PRLR: variants seen among roughly 807,000 people sequenced by gnomAD.
PRLR encodes the protein hPRL receptor.
A neutral mutation model predicts 40.2 loss-of-function variants in PRLR; 13 were observed. The ratio of observed to expected loss-of-function variants is 0.32; its 90% confidence interval spans 0.21 to 0.51. The LOEUF (loss-of-function observed/expected upper bound fraction) is 0.51. Among genes scored for constraint, PRLR ranks in the 20% least tolerant of loss-of-function variants. The probability of loss-of-function intolerance (pLI) is 0.97; values close to 1 mark genes in which losing one functional copy is unlikely to be tolerated. For synonymous variants in PRLR, 269 were observed against 278.7 expected (o/e 0.97, Z 0.35); for missense variants, 656 against 747.3 (o/e 0.88, Z 1.42).
chr5:35,141,244 A>AAAC (rs1774016711), intron 1 of PRLR, among the ~76,000 whole-genome samples: 1 of 152,056 alleles, frequency 6.6e-6, no homozygotes, highest in African/African-American at 2.4e-5. Flanking sequence ...CTGAAAAAAA[A>AAAC]AAACAAACCC....
At chr5:35,077,346 G>A (rs189137284) in intron 5 of PRLR, among the ~76,000 whole-genome samples, 1 of 152,240 alleles carries the variant, frequency 6.6e-6, no homozygotes, top group Admixed American at 6.5e-5. Context: ...AAGGAATGGA[G>A]GAAGATCTAC....
intron 1 of PRLR, among the ~76,000 whole-genome samples, chr5:35,201,860 C>A (rs778949048): frequency 2.6e-5 from 4 of 152,144 alleles, no homozygotes; most frequent in Non-Finnish European, 4.4e-5. Flanking sequence ...CACTCCTTGA[C>A]CCCAAAACCT....
intron 5 of PRLR, among the ~76,000 whole-genome samples, chr5:35,075,725 G>A (rs771171839): frequency 1.4e-4 from 21 of 152,316 alleles, no homozygotes; most frequent in Middle Eastern, 3.4e-3. Context: ...ATCTGAGAAC[G>A]GACAGACTGC....
intron 1 of PRLR, among the ~76,000 whole-genome samples, chr5:35,224,140 T>A (rs1587610): frequency 6.6e-6 from 1 of 151,886 alleles, no homozygotes; most frequent in Admixed American, 6.6e-5. Flanking sequence ...GGGCTCCCCA[T>A]CCCTAGAAGA....
chr5:35,087,089 G>T (rs1353826161), intron 3 of PRLR, among the ~76,000 whole-genome samples: 1 of 152,056 alleles, frequency 6.6e-6, no homozygotes, highest in South Asian at 2.1e-4. Flanking sequence ...CACCTCCTGG[G>T]TTCAAGCAAT....
chr5:35,183,438 C>T (rs1197115308), intron 1 of PRLR, among the ~76,000 whole-genome samples: 3 of 152,190 alleles, frequency 2.0e-5, no homozygotes, highest in African/African-American at 7.2e-5. Context: ...GGTATTAAGA[C>T]ATCACAGAAC....
chr5:35,099,631 A>G (rs548805967), intron 2 of PRLR, among the ~76,000 whole-genome samples: 1 of 152,340 alleles, frequency 6.6e-6, no homozygotes, highest in African/African-American at 2.4e-5. Flanking sequence ...AGCTCCGTGC[A>G]TGCTATCATC....
chr5:35,084,498 A>C lies in PRLR; in HGVS notation c.345T>G (p.Asp115Glu). ...TGTAAGTCACGTCCACATAAAGTTC[A>C]TCCGAGAAACTGCTTCCCATCTGGT... ...ATNQMGSSFS[D>E]ELYVDVTYIV... Residue 115 changes from aspartate to glutamate, a missense_variant, in exon 5 of 10, where the codon GAT (aspartate) becomes GAG (glutamate). Transcript: ENST00000618457. 1 of 1,575,934 alleles carries C rather than the reference A, an allele frequency of 6.3e-7. No individual in the cohort carries two copies. Among genetic ancestry groups the C allele is most frequent in the Non-Finnish European group, 8.6e-7 (1 of 1,167,882 alleles).
chr5:35,156,127 T>TAAA lies in PRLR; in HGVS notation c.-105-38008_-105-38006dup, dbSNP rs765998296. Among the ~76,000 whole-genome samples, 766 of 103,646 alleles carry TAAA rather than the reference T, an allele frequency of 7.4e-3. 39 individuals carry two copies. The highest frequency in any genetic ancestry group is 0.027 in the African/African-American group (738 of 26,916). The allele number at this position is 103,646 out of a possible 152,430, so 68.0% of individuals were successfully genotyped here. On this transcript the variant is annotated intron_variant, in intron 1 of 9. Coordinates refer to ENST00000618457, the MANE Select transcript of PRLR (RefSeq NM_000949.7). Reference sequence around the variant, plus strand: ...TCTCCATCTCTCCAGTTGCTCAAGATAAAAAAAAAAAACAAAAAAAAAAAC... The same window carrying TAAA: ...TCTCCATCTCTCCAGTTGCTCAAGATAAAAAAAAAAAAAAACAAAAAAAAAAAC...
At chr5:35,110,908 G>T (rs1772619544) in intron 2 of PRLR, among the ~76,000 whole-genome samples, 1 of 152,178 alleles carries the variant, frequency 6.6e-6, no homozygotes, top group African/African-American at 2.4e-5. Context: ...GTTCTCCAAA[G>T]CTGGATCATG....
intron 1 of PRLR, among the ~76,000 whole-genome samples, chr5:35,175,082 CAGAT>C (rs1775106815): frequency 6.6e-6 from 1 of 152,116 alleles, no homozygotes. Flanking sequence ...AATGGATGGA[CAGAT>C]GGATGGATAG....
intron 1 of PRLR, among the ~76,000 whole-genome samples, chr5:35,163,661 T>G (rs1478023649): frequency 6.6e-6 from 1 of 152,238 alleles, no homozygotes; most frequent in Non-Finnish European, 1.5e-5. Flanking sequence ...AAAGGAAGTA[T>G]ATGTATTGCT....
chr5:35,138,057 T>G (rs1006670984), intron 1 of PRLR, among the ~76,000 whole-genome samples: 5 of 152,226 alleles, frequency 3.3e-5, no homozygotes, highest in African/African-American at 1.2e-4. Context: ...GAAAAAATGT[T>G]TAAAAATTTA....
At chr5:35,147,932 T>G (rs983359529) in intron 1 of PRLR, among the ~76,000 whole-genome samples, 11 of 152,142 alleles carry the variant, frequency 7.2e-5, no homozygotes, top group Admixed American at 2.0e-4. Context: ...TAGAAGAAAT[T>G]AGAAGAATTA....
chr5:35,154,037 C>T lies in PRLR; in HGVS notation c.-105-35915G>A, dbSNP rs578170805. On this transcript the variant is annotated intron_variant, in intron 1 of 9. Coordinates refer to ENST00000618457, the MANE Select transcript of PRLR (RefSeq NM_000949.7). ...GGTTTTGATAATAATTTTCTCAGATCCCAGAGGATACGTCAACACCTTCAA... is the reference window on the plus strand; with the variant it reads ...GGTTTTGATAATAATTTTCTCAGATTCCAGAGGATACGTCAACACCTTCAA... Among the ~76,000 whole-genome samples, 3 of 152,256 alleles carry T rather than the reference C, an allele frequency of 2.0e-5. No individual in the cohort carries two copies. The East Asian group carries it at 5.8e-4, about 29-fold the overall frequency.
intron 1 of PRLR, among the ~76,000 whole-genome samples, chr5:35,191,914 C>T (rs1178722192): frequency 6.6e-6 from 1 of 152,198 alleles, no homozygotes; most frequent in East Asian, 1.9e-4. Context: ...TGGGCTTCTT[C>T]TGCCAGGAAC....
chr5:35,216,204 G>A (rs1164204671), intron 1 of PRLR, among the ~76,000 whole-genome samples: 1 of 152,066 alleles, frequency 6.6e-6, no homozygotes, highest in African/African-American at 2.4e-5. Flanking sequence ...GTTCCCACAG[G>A]CTCTCAAAAT....
At chr5:35,197,833 G>A (rs1194965586) in intron 1 of PRLR, among the ~76,000 whole-genome samples, 1 of 152,224 alleles carries the variant, frequency 6.6e-6, no homozygotes, top group Non-Finnish European at 1.5e-5. Context: ...CCCCACTTGG[G>A]TTTGCCACCC....
intron 1 of PRLR, among the ~76,000 whole-genome samples, chr5:35,189,804 A>T (rs1416389348): frequency 6.6e-6 from 1 of 152,134 alleles, no homozygotes; most frequent in Non-Finnish European, 1.5e-5. Flanking sequence ...GATTCCTCTC[A>T]GTGTGAAGAG....
Sources: allele counts gnomAD v4.1 joint callset (sites outside exome capture counted in the v4.1 genomes callset), GRCh38; gene constraint gnomAD v4.1.1; transcripts MANE v1.5; gene names NCBI Gene and HGNC (gene_info 2026-07-23, HGNC 2026-07-21).